The following KIF5C variants were observed in gnomAD, a reference collection of about 807,000 sequenced individuals.
KIF5C encodes the protein kinesin heavy chain isoform 5C.
KIF5C carries 18 observed loss-of-function variants against 125.2 expected under a neutral mutation model. The observed-to-expected ratio is 0.14, with a 90% CI of 0.10 to 0.21. KIF5C has a LOEUF of 0.21. Ranked by LOEUF, KIF5C falls within the 10% of genes least tolerant of loss-of-function variation. The pLI is 1.00. For synonymous variants in KIF5C, 405 were observed against 434.0 expected (o/e 0.93, Z 0.83); for missense variants, 780 against 1,183.8 (o/e 0.66, Z 5.01).
At position 148,973,441 on chromosome 2, in the gene KIF5C, G is replaced by T. The variant is rs1680975607; in HGVS notation, c.1223G>T (p.Gly408Val). The T allele has an allele frequency of 6.2e-7, 1 of 1,613,500 alleles. No homozygotes were observed. Among genetic ancestry groups the T allele is most frequent in the African/African-American group, 1.3e-5 (1 of 74,902 alleles). ...GACAATATTGCTCCTGTTGTTGCTG[G>T]CATCTCTACAGAGGAGAAAGAGAAG... The part of the protein sequence containing the change: ...IIDNIAPVVA[G>V]ISTEEKEKYD... The change falls in exon 12 of 26, where the codon GGC (glycine) becomes GTC (valine). Residue 408 changes from glycine (G) to valine (V), a missense_variant. Gly to Val is a moderately radical substitution (Grantham distance 109). Transcript: ENST00000435030.
chr2:148,925,575 C>T (rs939043691), intron 2 of KIF5C, among the ~76,000 whole-genome samples: 1 of 152,104 alleles, frequency 6.6e-6, no homozygotes, highest in African/African-American at 2.4e-5. Flanking sequence ...CAGGTTGGTT[C>T]GGGGGCCATG....
At chr2:148,917,777 C>T (rs1681620913) in intron 1 of KIF5C, among the ~76,000 whole-genome samples, 1 of 152,196 alleles carries the variant, frequency 6.6e-6, no homozygotes, top group Non-Finnish European at 1.5e-5. Context: ...AAATTTTAGC[C>T]TTTGCTTGTT....
At chr2:148,943,421 G>A (rs148500919) in intron 7 of KIF5C, among the ~76,000 whole-genome samples, 13 of 152,308 alleles carry the variant, frequency 8.5e-5, no homozygotes, top group South Asian at 6.2e-4. Flanking sequence ...TATTAAGAGG[G>A]ATGTGGACAA....
rs148726485 is a variant in KIF5C, at chr2:149,018,581, C to G, written c.*8-4497C>G. Reference sequence around the variant, plus strand: ...TGGTGGCTCACGCCTATAATCCCAGCACTTTGGGAGGCCAAGGCAGGAGGA... The same window carrying G: ...TGGTGGCTCACGCCTATAATCCCAGGACTTTGGGAGGCCAAGGCAGGAGGA... On this transcript the variant is annotated intron_variant, in intron 25 of 25. Transcript: ENST00000435030. 7.9e-5 allele frequency among the ~76,000 whole-genome samples: 12 copies of G among 152,322 alleles called. No homozygotes were observed. In the East Asian group the frequency reaches 2.3e-3, roughly 29 times the overall value.
chr2:148,877,317 G>A (rs1201407922), intron 1 of KIF5C: 1 of 152,282 alleles, frequency 6.6e-6, no homozygotes, highest in African/African-American at 2.4e-5. Flanking sequence ...ACGCTGTGTG[G>A]ATGGGCGATC....
rs145993559 is a variant in KIF5C at position 148,997,824 on chromosome 2, G to T, written c.2100+484G>T. 11 of 165,232 alleles carry T rather than the reference G, an allele frequency of 6.7e-5. No homozygotes were observed. In the East Asian group the frequency reaches 1.9e-3, roughly 28 times the overall value. The allele number at this position is 165,232 out of a possible 1,614,324, so 10.2% of individuals were successfully genotyped here. ...AGAAGATGTAGGATTTTGATTAGTT[G>T]TAGGCAAACTATGAGCCTCATTGAG... On this transcript the variant is annotated intron_variant, in intron 18 of 25. Transcript: ENST00000435030.
chr2:148,975,591 T>G (rs1558927280), intron 12 of KIF5C, among the ~76,000 whole-genome samples: 1 of 152,194 alleles, frequency 6.6e-6, no homozygotes, highest in East Asian at 1.9e-4. Flanking sequence ...AGTGAATCTA[T>G]TTAGGGTGTG....
chr2:148,961,843 GA>G, intron 10 of KIF5C, 127 bp from the exon 11 acceptor site: 8 of 1,362,236 alleles, frequency 5.9e-6, no homozygotes, highest in Non-Finnish European at 7.9e-6. Context: ...GATGGTTGGT[GA>G]AAGCCACAGG....
At chr2:148,962,551 A>G (rs181210205) in intron 11 of KIF5C, among the ~76,000 whole-genome samples, 17 of 152,174 alleles carry the variant, frequency 1.1e-4, no homozygotes, top group Admixed American at 9.8e-4. Context: ...GCAATGGTGC[A>G]GCTTGATTCC....
chr2:148,986,801 A>G (rs759626726), intron 15 of KIF5C, among the ~76,000 whole-genome samples: 20 of 152,192 alleles, frequency 1.3e-4, no homozygotes, highest in Non-Finnish European at 2.4e-4. Flanking sequence ...AAGCCAGAAA[A>G]CAGAAAAACC....
chr2:149,012,716 T>C (rs1273277384), intron 25 of KIF5C, among the ~76,000 whole-genome samples: 1 of 152,156 alleles, frequency 6.6e-6, no homozygotes, highest in Non-Finnish European at 1.5e-5. Context: ...GTCAGAGTAG[T>C]GGGAACAGGA....
At chr2:148,893,368 C>T (rs1016933989) in intron 1 of KIF5C, among the ~76,000 whole-genome samples, 1 of 152,210 alleles carries the variant, frequency 6.6e-6, no homozygotes, top group Non-Finnish European at 1.5e-5. Context: ...AACTTGGTTT[C>T]TGTGATTCAG....
At chr2:149,011,469 A>G in intron 24 of KIF5C, 101 bp from the exon 25 acceptor site, 1 of 1,472,794 alleles carries the variant, frequency 6.8e-7, no homozygotes, top group Non-Finnish European at 9.1e-7. Context: ...GTTGGTAAGA[A>G]TTGTGACTTT....
At chr2:149,002,704 TCACA>T (rs1479430915) in intron 21 of KIF5C, among the ~76,000 whole-genome samples, 2 of 152,008 alleles carry the variant, frequency 1.3e-5, no homozygotes, top group Non-Finnish European at 2.9e-5. Context: ...ACACTCCCCC[TCACA>T]CGCACGCAGG....
intron 15 of KIF5C, among the ~76,000 whole-genome samples, chr2:148,986,928 C>T (rs748439998): frequency 1.3e-5 from 2 of 152,158 alleles, no homozygotes; most frequent in African/African-American, 4.8e-5. Flanking sequence ...TTAACTTTAT[C>T]GAAGTTTATG....
At chr2:148,994,304 C>A in intron 16 of KIF5C, 117 bp from the exon 17 acceptor site, 1 of 1,381,802 alleles carries the variant, frequency 7.2e-7, no homozygotes, top group Non-Finnish European at 9.7e-7. Flanking sequence ...TTGGTTGTGG[C>A]ACTCAGAAAA....
chr2:148,936,248 A>G (rs1682287633), intron 3 of KIF5C, among the ~76,000 whole-genome samples: 2 of 152,240 alleles, frequency 1.3e-5, no homozygotes, highest in Non-Finnish European at 2.9e-5. Context: ...GCACCACTGC[A>G]CTGCAGCCTG....
intron 1 of KIF5C, among the ~76,000 whole-genome samples, chr2:148,910,162 T>G (rs1681275164): frequency 6.6e-6 from 1 of 152,242 alleles, no homozygotes; most frequent in Non-Finnish European, 1.5e-5. Context: ...ATGGGTAAGA[T>G]AGAAAACATG....
chr2:149,000,327 A>C, intron 19 of KIF5C, 96 bp from the exon 20 acceptor site: 5 of 1,423,338 alleles, frequency 3.5e-6, no homozygotes, highest in Non-Finnish European at 4.8e-6. Flanking sequence ...TTTATTGTAC[A>C]GAGCTAATAG....
Sources: gnomAD v4.1 joint callset for allele counts (sites outside exome capture counted in the v4.1 genomes callset) on GRCh38, gnomAD v4.1.1 for gene constraint, MANE v1.5 for transcripts, NCBI Gene and HGNC (gene_info 2026-07-23, HGNC 2026-07-21) for gene names.